Variants in BRD1 observed in about 807,000 individuals in gnomAD.
BRD1 encodes bromodomain containing 1.
Under a neutral mutation model 107.7 loss-of-function variants are expected in BRD1, and 24 were observed. That is an observed-to-expected ratio of 0.22 (90% CI 0.16 to 0.31). BRD1 has a LOEUF of 0.31. BRD1 is among the 10% of genes least tolerant of loss of function. The pLI, the probability that BRD1 is intolerant of heterozygous loss-of-function variation, is 1.00. For synonymous variants in BRD1, 744 were observed against 686.1 expected (o/e 1.08, Z -1.32); for missense variants, 1,279 against 1,638.6 (o/e 0.78, Z 3.79).
In BRD1 at chr22:49,775,619, C is replaced by T. The variant is rs755266167; in HGVS notation, c.3358G>A (p.Val1120Ile). ...QTKSDEKLFL[V>I]LFFDNKRSWQ... ...CTTCTCTTATTATCAAAAAAGAGAA[C>T]GAGGAACAGCTTCTCATCAGACTTG... The change falls in exon 12 of 13, where the codon GTT becomes ATT. Residue 1120 changes from valine to isoleucine, a missense_variant. Physicochemically the swap from Val to Ile is conservative, Grantham distance 29. Coordinates refer to ENST00000404760, the MANE Select transcript of BRD1 (RefSeq NM_001304808.3). 68 of 1,611,614 alleles carry T rather than the reference C, an allele frequency of 4.2e-5. 1 individual carries two copies. The South Asian group carries it at 6.4e-4, about 15-fold the overall frequency.
At chr22:49,812,777 C>T (rs952607257) in intron 2 of BRD1, among the ~76,000 whole-genome samples, 11 of 152,154 alleles carry the variant, frequency 7.2e-5, no homozygotes, top group African/African-American at 1.7e-4. Context: ...GGACCTCACA[C>T]GCCAGGACCA....
At chr22:49,775,840 C>CCCCCTT in intron 11 of BRD1, 95 bp from the exon 12 acceptor site, 1 of 1,223,912 alleles carries the variant, frequency 8.2e-7, no homozygotes. Context: ...CCCACCCCAG[C>CCCCCTT]TGTGTGAGCC....
chr22:49,788,497 G>C (rs979226133), intron 7 of BRD1, among the ~76,000 whole-genome samples: 3 of 151,876 alleles, frequency 2.0e-5, no homozygotes, highest in Non-Finnish European at 4.4e-5. Flanking sequence ...GGAGCTTTCA[G>C]GAAAAAAAAA....
intron 2 of BRD1, chr22:49,806,393 C>T (rs2059744424): frequency 6.6e-6 from 1 of 152,148 alleles, no homozygotes; most frequent in Admixed American, 6.5e-5. Context: ...CGTCTGTGAC[C>T]CCAACTACTT....
chr22:49,804,793 G>A (rs1216484699), intron 2 of BRD1, among the ~76,000 whole-genome samples: 1 of 152,146 alleles, frequency 6.6e-6, no homozygotes, highest in Non-Finnish European at 1.5e-5. Flanking sequence ...GGAGGTTGGT[G>A]TGAGCCGAAA....
intron 2 of BRD1, among the ~76,000 whole-genome samples, chr22:49,817,927 C>A (rs2059985617): frequency 6.6e-6 from 1 of 152,198 alleles, no homozygotes; most frequent in Non-Finnish European, 1.5e-5. Flanking sequence ...CCACCCACCT[C>A]AGCCTTCCAG....
chr22:49,787,630 G>T lies in BRD1; in HGVS notation c.2617C>A (p.Pro873Thr). ...PAAAASAVAE[P>T]ASDVNRRTSV... ...GTGCGTCTGTTTACATCGCTTGCTG[G>T]CTCCGCCACCGCGGAGGCCGCCGCC... Residue 873 changes from proline (P) to threonine (T), a missense_variant, in exon 8 of 13, where the codon CCA becomes ACA. By Grantham distance (38) the Pro-to-Thr change is conservative. This residue lies in a region of BRD1 where 263 missense variants were observed against 251.6 expected (regional missense o/e 1.05). Coordinates refer to ENST00000404760, the MANE Select transcript of BRD1 (RefSeq NM_001304808.3). 1 of 1,550,978 alleles carries T rather than the reference G, an allele frequency of 6.4e-7. No individual in the cohort carries two copies. The highest frequency in any genetic ancestry group is 8.7e-7 in the Non-Finnish European group (1 of 1,147,116).
intron 7 of BRD1, among the ~76,000 whole-genome samples, chr22:49,788,932 T>C (rs1009349505): frequency 7.9e-5 from 12 of 152,282 alleles, no homozygotes; most frequent in South Asian, 2.1e-4. Flanking sequence ...ATGGTTACTA[T>C]TGTCATTCAA....
At chr22:49,809,833 C>T (rs547669579) in intron 2 of BRD1, among the ~76,000 whole-genome samples, 2 of 152,274 alleles carry the variant, frequency 1.3e-5, no homozygotes, top group East Asian at 1.9e-4. Flanking sequence ...ACAATGAGAA[C>T]TGTTAAACCT....
At chr22:49,812,754 A>G (rs962886405) in intron 2 of BRD1, among the ~76,000 whole-genome samples, 1 of 152,376 alleles carries the variant, frequency 6.6e-6, no homozygotes. Context: ...CCCACTGTAC[A>G]CAGACGAACC....
chr22:49,776,711 C>A (rs916968671), intron 10 of BRD1, among the ~76,000 whole-genome samples: 1 of 152,236 alleles, frequency 6.6e-6, no homozygotes, highest in Non-Finnish European at 1.5e-5. Flanking sequence ...AGTCAGTCCC[C>A]TGTGCAGCTG....
intron 2 of BRD1, among the ~76,000 whole-genome samples, chr22:49,822,339 T>G (rs113557319): frequency 0.086 from 12,953 of 150,632 alleles, 669 homozygotes; most frequent in South Asian, 0.17. Flanking sequence ...ACACAAGAAT[T>G]GCTGGAACCT....
At position 49,794,183 on chromosome 22, in the gene BRD1, C is replaced by T. The variant is rs775920438; in HGVS notation, c.2210G>A (p.Arg737Gln). The T allele has an allele frequency of 9.9e-6, 16 of 1,614,172 alleles. No individual in the cohort carries two copies. The highest frequency in any genetic ancestry group is 1.7e-5 in the Admixed American group (1 of 60,026). ...TTTGAGCAGCTTTGCCCGCTTGCTC[C>T]GGGAGCCGCTGGACTTCATAGCGCA... ...LTCAMKSSGS[R>Q]SKRAKLLKKE... Residue 737 changes from arginine (R) to glutamine (Q), a missense_variant, in exon 7 of 13, where the codon CGG becomes CAG. Transcript: ENST00000404760.
intron 3 of BRD1, among the ~76,000 whole-genome samples, chr22:49,801,350 G>A (rs147128719): frequency 0.035 from 5,323 of 152,186 alleles, 137 homozygotes; most frequent in Middle Eastern, 0.075. Context: ...CAGCACCCTC[G>A]GCGCCTGCTG....
chr22:49,797,273 C>G (rs1267907907), intron 6 of BRD1, among the ~76,000 whole-genome samples: 1 of 152,264 alleles, frequency 6.6e-6, no homozygotes, highest in African/African-American at 2.4e-5. Context: ...AGAGCCCTTT[C>G]TACAACATGC....
At chr22:49,799,245 G>A (rs2059594864) in intron 3 of BRD1, 126 bp from the exon 4 acceptor site, 3 of 1,285,250 alleles carry the variant, frequency 2.3e-6, no homozygotes, top group Non-Finnish European at 3.2e-6. Flanking sequence ...ATCCTGGGGA[G>A]GACAACAGAC....
At position 49,777,826 on chromosome 22, in the gene BRD1, C is replaced by T. The variant is rs115473526; in HGVS notation, c.2858-13G>A. 4,426 of 1,589,822 alleles carry T rather than the reference C, an allele frequency of 2.8e-3. 101 individuals carry two copies. The African/African-American group carries it at 0.052, about 19-fold the overall frequency. ...CCGTTGGTGAGACCTGGAACACAGGCGGGCAGGCCCTGAGCTCAGCACAAC... is the reference window on the plus strand; with the variant it reads ...CCGTTGGTGAGACCTGGAACACAGGTGGGCAGGCCCTGAGCTCAGCACAAC... On this transcript the variant is annotated splice_polypyrimidine_tract_variant and intron_variant, in intron 8 of 12. Transcript: ENST00000404760.
At chr22:49,781,779 A>G (rs962851756) in intron 8 of BRD1, among the ~76,000 whole-genome samples, 8 of 152,252 alleles carry the variant, frequency 5.3e-5, no homozygotes, top group Non-Finnish European at 8.8e-5. Context: ...TTTCACTTTT[A>G]CCATCGTTAA....
rs750672734 is a variant in BRD1 at position 49,794,323 on chromosome 22, A to G, written c.2099-29T>C. 10 of 1,586,942 alleles carry G rather than the reference A, an allele frequency of 6.3e-6. No individual in the cohort carries two copies. The Admixed American group carries it at 1.7e-4, about 27-fold the overall frequency. Reference sequence around the variant, plus strand: ...AACCAAAGGACACATGCTGTCAGTCATCAGGTCCCACGCACCTTCTGGGAA... The same window carrying G: ...AACCAAAGGACACATGCTGTCAGTCGTCAGGTCCCACGCACCTTCTGGGAA... On this transcript the variant is annotated intron_variant, in intron 6 of 12. Transcript: ENST00000404760.
Sources: gnomAD v4.1 joint callset for allele counts (sites outside exome capture counted in the v4.1 genomes callset) on GRCh38, gnomAD v4.1.1 for gene constraint, gnomAD v4.1.1 regional missense constraint, MANE v1.5 for transcripts, NCBI Gene and HGNC (gene_info 2026-07-23, HGNC 2026-07-21) for gene names.